ZNF804A: variants seen among roughly 807,000 people sequenced by gnomAD.
ZNF804A encodes the protein zinc finger protein 804A.
A neutral mutation model predicts 16.5 loss-of-function variants in ZNF804A; 2 were observed. The observed-to-expected ratio is 0.12, with a 90% CI of 0.05 to 0.38. The LOEUF is 0.38. Among genes scored for constraint, ZNF804A ranks in the 10% least tolerant of loss-of-function variants. ZNF804A has a pLI of 0.99. For synonymous variants in ZNF804A, 534 were observed against 489.6 expected (o/e 1.09, Z -1.20); for missense variants, 1,473 against 1,390.7 (o/e 1.06, Z -0.94).
At chr2:184,915,268 T>A (rs1046224545) in intron 2 of ZNF804A, among the ~76,000 whole-genome samples, 2 of 152,130 alleles carry the variant, frequency 1.3e-5, no homozygotes, top group African/African-American at 4.8e-5. Context: ...TAAAAATATT[T>A]GCATTTAAAA....
At chr2:184,791,923 C>T (rs1365945160) in intron 1 of ZNF804A, among the ~76,000 whole-genome samples, 3 of 152,222 alleles carry the variant, frequency 2.0e-5, no homozygotes, top group South Asian at 2.1e-4. Flanking sequence ...TCATACAATA[C>T]GTAGCCTTTT....
At chr2:184,621,019 A>G (rs1308827560) in intron 1 of ZNF804A, among the ~76,000 whole-genome samples, 1 of 151,668 alleles carries the variant, frequency 6.6e-6, no homozygotes, top group Non-Finnish European at 1.5e-5. Context: ...AGATAATGAC[A>G]GAAGCAGACA....
chr2:184,924,920 A>T (rs779304328), intron 2 of ZNF804A, among the ~76,000 whole-genome samples: 102 of 151,260 alleles, frequency 6.7e-4, no homozygotes, highest in Non-Finnish European at 1.3e-3. Context: ...TATTATTTCA[A>T]TTTTTTTTGA....
At chr2:184,750,902 G>T (rs922845566) in intron 1 of ZNF804A, among the ~76,000 whole-genome samples, 9 of 151,238 alleles carry the variant, frequency 6.0e-5, no homozygotes, top group Admixed American at 2.0e-4. Flanking sequence ...GACTACCTTA[G>T]ATTTTACATA....
intron 1 of ZNF804A, among the ~76,000 whole-genome samples, chr2:184,630,260 C>T (rs1313297832): frequency 2.0e-5 from 3 of 152,038 alleles, no homozygotes; most frequent in African/African-American, 7.2e-5. Context: ...ATAATTCGTT[C>T]AACTGCTATT....
intron 2 of ZNF804A, among the ~76,000 whole-genome samples, chr2:184,904,794 T>C (rs1030710259): frequency 6.6e-6 from 1 of 152,072 alleles, no homozygotes; most frequent in African/African-American, 2.4e-5. Context: ...ATATGATTTT[T>C]ATGAAATATA....
intron 1 of ZNF804A, among the ~76,000 whole-genome samples, chr2:184,859,737 G>T (rs72905782): frequency 6.6e-6 from 1 of 152,136 alleles, no homozygotes; most frequent in South Asian, 2.1e-4. Context: ...TCTTTGTCTG[G>T]GAAACCCTAC....
At chr2:184,919,400 C>T (rs573527494) in intron 2 of ZNF804A, among the ~76,000 whole-genome samples, 9 of 152,160 alleles carry the variant, frequency 5.9e-5, no homozygotes, top group Non-Finnish European at 1.3e-4. Context: ...GAGTGGAAGT[C>T]CACATTGCTG....
chr2:184,878,152 T>G (rs537196747), intron 2 of ZNF804A, among the ~76,000 whole-genome samples: 1 of 152,222 alleles, frequency 6.6e-6, no homozygotes, highest in East Asian at 1.9e-4. Flanking sequence ...AATTTTCCAT[T>G]AATGTTGCCA....
intron 1 of ZNF804A, among the ~76,000 whole-genome samples, chr2:184,715,707 G>A (rs531632396): frequency 1.0e-3 from 156 of 152,016 alleles, no homozygotes; most frequent in African/African-American, 3.5e-3. Context: ...AGCCACATCC[G>A]ATACTTTTTA....
intron 2 of ZNF804A, among the ~76,000 whole-genome samples, chr2:184,879,817 A>G (rs1479463557): frequency 6.6e-6 from 1 of 152,094 alleles, no homozygotes; most frequent in Admixed American, 6.6e-5. Flanking sequence ...AGAAATGCCA[A>G]GATGAATGTG....
chr2:184,748,286 T>TG (rs1693823976), intron 1 of ZNF804A, among the ~76,000 whole-genome samples: 1 of 116,928 alleles, frequency 8.6e-6, no homozygotes. Flanking sequence ...CACTAACATC[T>TG]GTTTTTTTTT....
chr2:184,824,731 G>A (rs1187277012), intron 1 of ZNF804A, among the ~76,000 whole-genome samples: 1 of 152,124 alleles, frequency 6.6e-6, no homozygotes, highest in African/African-American at 2.4e-5. Context: ...CTTGCCTATG[G>A]TATTACAGGG....
chr2:184,821,714 A>G (rs1198970652), intron 1 of ZNF804A, among the ~76,000 whole-genome samples: 1 of 152,160 alleles, frequency 6.6e-6, no homozygotes, highest in African/African-American at 2.4e-5. Context: ...ACAGATTTAC[A>G]AGGAAAAGAC....
At chr2:184,715,850 C>A (rs1374846604) in intron 1 of ZNF804A, among the ~76,000 whole-genome samples, 3 of 152,078 alleles carry the variant, frequency 2.0e-5, no homozygotes, top group African/African-American at 7.2e-5. Flanking sequence ...AATATGTTTA[C>A]ATTGTTAGTT....
chr2:184,668,515 T>C (rs1199008306), intron 1 of ZNF804A, among the ~76,000 whole-genome samples: 1 of 151,972 alleles, frequency 6.6e-6, no homozygotes, highest in Non-Finnish European at 1.5e-5. Context: ...AGAAAATGTA[T>C]GATTTTCTTT....
At chr2:184,869,757 TCTGGAC>T (rs1417974674) in intron 2 of ZNF804A, among the ~76,000 whole-genome samples, 1 of 152,012 alleles carries the variant, frequency 6.6e-6, no homozygotes, top group Non-Finnish European at 1.5e-5. Context: ...ATCCAGGTAA[TCTGGAC>T]CTAAGAGCTG....
chr2:184,811,819 C>T (rs1342048427), intron 1 of ZNF804A, among the ~76,000 whole-genome samples: 6 of 152,172 alleles, frequency 3.9e-5, no homozygotes, highest in Admixed American at 3.9e-4. Flanking sequence ...AATATTTTAA[C>T]ATTTCAAAAT....
At chr2:184,858,441 T>C (rs957444139) in intron 1 of ZNF804A, among the ~76,000 whole-genome samples, 2 of 151,358 alleles carry the variant, frequency 1.3e-5, no homozygotes, top group African/African-American at 4.9e-5. Context: ...GAGGTGAAGT[T>C]TGCAGTGAGC....
Sources: gnomAD v4.1 joint callset for allele counts (sites outside exome capture counted in the v4.1 genomes callset) on GRCh38, gnomAD v4.1.1 for gene constraint, MANE v1.5 for transcripts, NCBI Gene and HGNC (gene_info 2026-07-23, HGNC 2026-07-21) for gene names.